The following SUMF1 variants were observed in gnomAD, a reference collection of about 807,000 sequenced individuals.
SUMF1 encodes formylglycine-generating enzyme.
In SUMF1, 48 loss-of-function variants were observed where a neutral mutation model predicts 47.6. The observed-to-expected ratio is 1.01, with a 90% CI of 0.80 to 1.28. The LOEUF (loss-of-function observed/expected upper bound fraction) is 1.28, where lower values mean the gene tolerates loss of function less well. SUMF1 is among the 50% of genes most tolerant of loss of function. The pLI, the probability that SUMF1 is intolerant of heterozygous loss-of-function variation, is 0.00. For missense variants in SUMF1, 571 were observed against 485.4 expected, an observed-to-expected ratio of 1.18 and a Z score of -1.66; for synonymous variants, 230 against 192.1, an observed-to-expected ratio of 1.20 and a Z score of -1.63.
intron 7 of SUMF1, among the ~76,000 whole-genome samples, chr3:4,383,891 A>C (rs1700587537): frequency 6.6e-6 from 1 of 152,224 alleles, no homozygotes; most frequent in South Asian, 2.1e-4. Flanking sequence ...AAACAGAATA[A>C]AATTTCAGAC....
At chr3:4,341,277 G>C (rs1024538947) in intron 8 of SUMF1, among the ~76,000 whole-genome samples, 6 of 151,798 alleles carry the variant, frequency 4.0e-5, no homozygotes, top group African/African-American at 1.5e-4. Context: ...GCATAAAGAA[G>C]AATATGATCA....
At chr3:4,423,662 T>C (rs1360542315) in intron 3 of SUMF1, among the ~76,000 whole-genome samples, 2 of 152,244 alleles carry the variant, frequency 1.3e-5, no homozygotes, top group African/African-American at 2.4e-5. Flanking sequence ...TAATAATTGA[T>C]ATAGTTTATA....
chr3:4,085,931 C>T (rs1451634553), intron 8 of SUMF1, among the ~76,000 whole-genome samples: 2 of 151,964 alleles, frequency 1.3e-5, no homozygotes, highest in Non-Finnish European at 2.9e-5. Flanking sequence ...AGAACAAATA[C>T]TCAAACCACC....
intron 8 of SUMF1, among the ~76,000 whole-genome samples, chr3:4,221,888 TG>T (rs1360012232): frequency 3.3e-5 from 5 of 152,058 alleles, no homozygotes; most frequent in Admixed American, 6.6e-5. Flanking sequence ...TAATAATTGC[TG>T]GGGGGTAGAA....
chr3:4,073,004 G>C (rs191928312), intron 8 of SUMF1, among the ~76,000 whole-genome samples: 28 of 152,188 alleles, frequency 1.8e-4, no homozygotes, highest in African/African-American at 6.5e-4. Flanking sequence ...GATATTCCTC[G>C]AGAAGAGCAA....
At chr3:4,235,296 C>T (rs1696383450) in intron 8 of SUMF1, among the ~76,000 whole-genome samples, 1 of 152,054 alleles carries the variant, frequency 6.6e-6, no homozygotes, top group South Asian at 2.1e-4. Context: ...GTGGTGCCAT[C>T]CATTGTCATG....
chr3:4,079,733 T>C (rs914950496), intron 8 of SUMF1, among the ~76,000 whole-genome samples: 3 of 150,072 alleles, frequency 2.0e-5, no homozygotes, highest in Non-Finnish European at 4.4e-5. Context: ...CACATATTGA[T>C]CTTAAGCAAC....
At chr3:4,179,714 G>A (rs1026454653) in intron 8 of SUMF1, among the ~76,000 whole-genome samples, 5 of 152,252 alleles carry the variant, frequency 3.3e-5, no homozygotes, top group African/African-American at 1.2e-4. Flanking sequence ...AAACTAAAGA[G>A]CTTCTGCACG....
At chr3:4,465,215 G>C (rs1411494894) in intron 1 of SUMF1, among the ~76,000 whole-genome samples, 1 of 152,204 alleles carries the variant, frequency 6.6e-6, no homozygotes. Flanking sequence ...GGTGGCTCAC[G>C]TTTGTAATCC....
intron 7 of SUMF1, among the ~76,000 whole-genome samples, chr3:4,391,393 T>C (rs1442202794): frequency 1.3e-5 from 2 of 152,230 alleles, no homozygotes; most frequent in African/African-American, 2.4e-5. Context: ...TGAGATTCCC[T>C]TTACACATGT....
intron 8 of SUMF1, among the ~76,000 whole-genome samples, chr3:4,211,199 C>CATATATAT (rs3046224): frequency 0.085 from 7,201 of 84,400 alleles, 582 homozygotes; most frequent in Non-Finnish European, 0.11. Flanking sequence ...CATATACATA[C>CATATATAT]ATACATATAT....
chr3:4,124,916 A>C (rs1385879163), intron 8 of SUMF1, among the ~76,000 whole-genome samples: 1 of 152,136 alleles, frequency 6.6e-6, no homozygotes, highest in African/African-American at 2.4e-5. Flanking sequence ...GTACATATAA[A>C]AAATGCACTG....
intron 1 of SUMF1, 34 bp downstream of exon 1, chr3:4,466,942 G>A: frequency 6.2e-7 from 1 of 1,601,670 alleles, no homozygotes. Flanking sequence ...GAACCGAGCA[G>A]CCCCCACCCG....
At position 4,259,378 on chromosome 3, in the gene SUMF1, C is replaced by T. The variant is rs555122372; in HGVS notation, c.1014+116952G>A. On this transcript the variant is annotated intron_variant and NMD_transcript_variant, in intron 8 of 12. Coordinates refer to the SUMF1 transcript ENST00000448413. Reference sequence around the variant, plus strand: ...CATTAATATTACCTGATTTGACCTACATGTTACGTAAGGCAAAAGGACAGC... The same window carrying T: ...CATTAATATTACCTGATTTGACCTATATGTTACGTAAGGCAAAAGGACAGC... Among the ~76,000 whole-genome samples, 127 of 152,248 alleles carry T rather than the reference C, an allele frequency of 8.3e-4. 1 individual carries two copies. The highest frequency in any genetic ancestry group is 2.7e-3 in the African/African-American group (114 of 41,540).
intron 9 of SUMF1, among the ~76,000 whole-genome samples, chr3:4,044,182 T>C (rs1694964899): frequency 6.6e-6 from 1 of 152,184 alleles, no homozygotes; most frequent in Non-Finnish European, 1.5e-5. Flanking sequence ...TATGTTAGAA[T>C]GCGTAACCAA....
chr3:4,209,244 C>G (rs1462590356), intron 8 of SUMF1, among the ~76,000 whole-genome samples: 1 of 152,082 alleles, frequency 6.6e-6, no homozygotes, highest in African/African-American at 2.4e-5. Context: ...ATTTTACACT[C>G]TACTATAAAG....
chr3:4,303,638 C>G (rs959615213), intron 8 of SUMF1: 2 of 1,421,722 alleles, frequency 1.4e-6, no homozygotes, highest in Non-Finnish European at 9.2e-7. Context: ...TCTTCTCTTA[C>G]AGCGCACCCG....
intron 8 of SUMF1, among the ~76,000 whole-genome samples, chr3:4,290,416 G>A (rs1286669403): frequency 6.6e-6 from 1 of 152,144 alleles, no homozygotes; most frequent in East Asian, 1.9e-4. Flanking sequence ...TATGCAAAAT[G>A]GGTATTTTAT....
intron 7 of SUMF1, among the ~76,000 whole-genome samples, chr3:4,409,287 C>A (rs962178064): frequency 6.6e-6 from 1 of 152,110 alleles, no homozygotes; most frequent in East Asian, 1.9e-4. Context: ...TAAATTATAT[C>A]CCAGTCAAAT....
Sources: gnomAD v4.1 joint callset for allele counts (sites outside exome capture counted in the v4.1 genomes callset) on GRCh38, gnomAD v4.1.1 for gene constraint, MANE v1.5 for transcripts, NCBI Gene and HGNC (gene_info 2026-07-23, HGNC 2026-07-21) for gene names.